ZNF142: variants seen among roughly 807,000 people sequenced by gnomAD.
ZNF142 encodes zinc finger protein 142.
Under a neutral mutation model 132.1 loss-of-function variants are expected in ZNF142, and 96 were observed. The observed-to-expected ratio is 0.73, with a 90% CI of 0.62 to 0.86. The LOEUF is 0.86. Among genes scored for constraint, ZNF142 ranks in the 40% least tolerant of loss-of-function variants. The pLI is 0.00. For missense variants in ZNF142, 2,163 were observed against 2,336.2 expected, an observed-to-expected ratio of 0.93 and a Z score of 1.53; for synonymous variants, 842 against 890.1, an observed-to-expected ratio of 0.95 and a Z score of 0.96.
chr2:218,641,692 A>G (rs1697209058), intron 9 of ZNF142, among the ~76,000 whole-genome samples: 1 of 152,136 alleles, frequency 6.6e-6, no homozygotes, highest in South Asian at 2.1e-4. Context: ...GGTACTTGCC[A>G]CCATGCCCAG....
chr2:218,651,865 C>T lies in ZNF142; in HGVS notation c.716G>A (p.Gly239Asp), dbSNP rs1455424216. ...GCPLLFGSQQGMELHRQAHYP... is the reference protein window; with the variant it reads ...GCPLLFGSQQDMELHRQAHYP... ...ATGCGCCTGCCGGTGCAGCTCCATG[C>T]CCTGCTGGCTCCCGAAAAGCAGGGG... The change falls in exon 5 of 11, where the codon GGC becomes GAC. Residue 239 changes from glycine to aspartate, a missense_variant. By Grantham distance (94) the Gly-to-Asp change is moderately conservative (BLOSUM62 -1). Around this residue, in one of 7 missense-constraint regions of ZNF142, gnomAD observed 63 missense variants for 104.1 expected, o/e 0.61. Coordinates refer to ENST00000411696, the MANE Select transcript of ZNF142 (RefSeq NM_001379659.1). 5.4e-6 allele frequency: 7 copies of T among 1,289,896 alleles called. No homozygotes were observed. The highest frequency in any genetic ancestry group is 7.1e-6 in the Non-Finnish European group (7 of 988,884). The allele number at this position is 1,289,896 out of a possible 1,614,324, so 79.9% of individuals were successfully genotyped here.
rs1391207933 is a variant in ZNF142, at chr2:218,633,470, T to C, written c.*4869A>G. ...TATTTCCAAGCCTGAGTCCCTTCTC[T>C]TGTCCCGGCAGGTGAGGCAGGAGGG... On this transcript the variant is annotated 3_prime_UTR_variant, in exon 11 of 11. Coordinates refer to ENST00000411696, the MANE Select transcript of ZNF142 (RefSeq NM_001379659.1). 5 of 1,056,928 alleles carry C rather than the reference T, an allele frequency of 4.7e-6. No individual in the cohort carries two copies. Among genetic ancestry groups the C allele is most frequent in the Non-Finnish European group, 7.2e-6 (5 of 696,884 alleles). 65.5% of individuals were successfully genotyped at this position (1,056,928 alleles called of 1,614,324 possible).
In ZNF142 at chr2:218,633,591, T is replaced by C. The variant is rs1397035316; in HGVS notation, c.*4748A>G. 6.2e-7 allele frequency: 1 copy of C among 1,611,784 alleles called. No homozygotes were observed. The highest frequency in any genetic ancestry group is 8.5e-7 in the Non-Finnish European group (1 of 1,178,000). The stretch of plus-strand genomic sequence containing the variant: ...CTGAGGGTTCAATTCCATCTTCTTT[T>C]CCACCTTCTCCAGAAATCCAAGCCC... On this transcript the variant is annotated 3_prime_UTR_variant, in exon 11 of 11. Transcript: ENST00000411696.
At chr2:218,641,243 A>ATTTT (rs71276228) in intron 9 of ZNF142, among the ~76,000 whole-genome samples, 2 of 103,916 alleles carry the variant, frequency 1.9e-5, no homozygotes, top group Non-Finnish European at 2.0e-5. Context: ...CTGGCCGATA[A>ATTTT]TTTTTTTTTT....
At chr2:218,640,977 C>G (rs1311917848) in intron 9 of ZNF142, among the ~76,000 whole-genome samples, 1 of 150,970 alleles carries the variant, frequency 6.6e-6, no homozygotes, top group East Asian at 1.9e-4. Context: ...CTCTGTTGCC[C>G]AGGCTGGAGT....
At chr2:218,639,488 G>A (rs1696987384) in intron 10 of ZNF142, among the ~76,000 whole-genome samples, 2 of 152,142 alleles carry the variant, frequency 1.3e-5, no homozygotes, top group African/African-American at 4.8e-5. Flanking sequence ...AGTACTCATG[G>A]AATTCGACAA....
At position 218,650,404 on chromosome 2, in the gene ZNF142, AGTCCTTCTGGGTG is replaced by A; in HGVS notation, c.990_1002del (p.Thr331ProfsTer134). ...TGGCCTTTATCCACAGCCTTTTGGG[AGTCCTTCTGGGTG>A]TCACTCTTCTCTTCTTTCTCTACAT... is the stretch of plus-strand genomic sequence containing the variant. On this transcript the variant is annotated frameshift_variant, in exon 6 of 11. Transcript: ENST00000411696. LOFTEE classifies it high-confidence loss of function. 1 of 1,614,120 alleles carries A rather than the reference AGTCCTTCTGGGTG, an allele frequency of 6.2e-7. No homozygotes were observed. The highest frequency in any genetic ancestry group is 8.5e-7 in the Non-Finnish European group (1 of 1,180,014).
rs758515813 is a variant in ZNF142, at chr2:218,649,357, A to G, written c.1151T>C (p.Leu384Pro). The G allele has an allele frequency of 1.2e-6, 2 of 1,614,084 alleles. No homozygotes were observed. Among genetic ancestry groups the G allele is most frequent in the South Asian group, 1.1e-5 (1 of 91,082 alleles). ...KRTHLVEHLH[L>P]HFPDPSLQCP... ...CTGGAGGCTGGGGTCTGGGAAGTGG[A>G]GATGCAGGTGCTCCACCAGATGAGT... The change falls in exon 7 of 11, where the codon CTC (leucine) becomes CCC (proline). Residue 384 changes from leucine to proline, a missense_variant. Physicochemically the swap from Leu to Pro is moderately conservative, Grantham distance 98. Coordinates refer to ENST00000411696, the MANE Select transcript of ZNF142 (RefSeq NM_001379659.1).
Position 218,643,661 on chromosome 2 carries a change from G to T in ZNF142, c.3455C>A (p.Thr1152Lys). Residue 1152 changes from threonine (T) to lysine (K), a missense_variant, in exon 9 of 11, where the codon ACA becomes AAA. Physicochemically the swap from Thr to Lys is moderately conservative, Grantham distance 78 (BLOSUM62 -1). This residue lies in a region of ZNF142 where 809 missense variants were observed against 801.7 expected (regional missense o/e 1.01). Coordinates refer to ENST00000411696, the MANE Select transcript of ZNF142 (RefSeq NM_001379659.1). Reference protein sequence around the residue: ...PLELPREPEETEEPLATVSGS... With the variant: ...PLELPREPEEKEEPLATVSGS... ...AGAGACTGTGGCAAGAGGCTCTTCT[G>T]TTTCTTCTGGCTCCCTGGGAAGCTC... 6 of 1,550,514 alleles carry T rather than the reference G, an allele frequency of 3.9e-6. No homozygotes were observed. The highest frequency in any genetic ancestry group is 5.2e-6 in the Non-Finnish European group (6 of 1,152,850).
At chr2:218,650,036 A>G (rs10187066) in intron 6 of ZNF142, among the ~76,000 whole-genome samples, 71,025 of 152,144 alleles carry the variant, frequency 0.47, 19,794 homozygotes, top group East Asian at 0.82. Flanking sequence ...TCAGTGCCAG[A>G]CAAAATAGGC....
In ZNF142 at chr2:218,633,935, C is replaced by G. The variant is rs1411902423; in HGVS notation, c.*4404G>C. The G allele has an allele frequency of 3.7e-5, 44 of 1,200,880 alleles. No homozygotes were observed. Among genetic ancestry groups the G allele is most frequent in the Admixed American group, 1.1e-4 (5 of 45,514 alleles). 74.4% of individuals were successfully genotyped at this position (1,200,880 alleles called of 1,614,324 possible). A position where few individuals can be genotyped will look rare whatever the true frequency, so the allele number is the denominator to read the frequency against. The stretch of plus-strand genomic sequence containing the variant: ...GAGTTATGAATAGTGGCTCAAGGGT[C>G]TAGGGGCAGGAAAGCTGGTCTGGAT... On this transcript the variant is annotated 3_prime_UTR_variant, in exon 11 of 11. Coordinates refer to ENST00000411696, the MANE Select transcript of ZNF142 (RefSeq NM_001379659.1).
intron 3 of ZNF142, among the ~76,000 whole-genome samples, chr2:218,657,003 C>A (rs900460732): frequency 6.6e-6 from 1 of 151,914 alleles, no homozygotes; most frequent in African/African-American, 2.4e-5. Context: ...TTTTTAACAG[C>A]GATGGAGTTT....
rs1937773283 is a variant in ZNF142 at position 218,649,433 on chromosome 2, G to A, written c.1075C>T (p.Leu359Phe). The A allele has an allele frequency of 1.9e-6, 3 of 1,604,984 alleles. No individual in the cohort carries two copies. The highest frequency in any genetic ancestry group is 2.6e-6 in the Non-Finnish European group (3 of 1,175,020). The change falls in exon 7 of 11, where the codon CTC becomes TTC. Residue 359 changes from leucine (L) to phenylalanine (F), a missense_variant. Around this residue, in one of 7 missense-constraint regions of ZNF142, gnomAD observed 749 missense variants for 830.3 expected, o/e 0.90. Coordinates refer to ENST00000411696, the MANE Select transcript of ZNF142 (RefSeq NM_001379659.1). The stretch of plus-strand genomic sequence containing the variant: ...TCTGGACACATATGGGTCTTGAAGA[G>A]GGACTCGGTGCCAGAGACCACATCC... ...EGDVVSGTESLFKTHMCPECK... is the reference protein window; with the variant it reads ...EGDVVSGTESFFKTHMCPECK...
chr2:218,639,742 A>C (rs527803328), intron 10 of ZNF142, among the ~76,000 whole-genome samples: 1 of 150,284 alleles, frequency 6.7e-6, no homozygotes, highest in African/African-American at 2.4e-5. Flanking sequence ...TGAAAAAAAA[A>C]AAAAAAAAAA....
rs1460465608 is a variant in ZNF142 at position 218,644,546 on chromosome 2, G to A, written c.2570C>T (p.Pro857Leu). 2.0e-5 allele frequency: 33 copies of A among 1,613,912 alleles called. No individual in the cohort carries two copies. Among genetic ancestry groups the A allele is most frequent in the Non-Finnish European group, 2.7e-5 (32 of 1,180,040 alleles). Residue 857 changes from proline (P) to leucine (L), a missense_variant, in exon 9 of 11, where the codon CCA (proline) becomes CTA (leucine). By Grantham distance (98) the Pro-to-Leu change is moderately conservative. Around this residue, in one of 7 missense-constraint regions of ZNF142, gnomAD observed 749 missense variants for 830.3 expected, o/e 0.90. Transcript: ENST00000411696. This position sits in a 1 kb window ranked among gnomAD's most constrained non-coding sequence, Gnocchi z 4.6. ...VVDPSLDQALPEMSEEVNTGR... is the reference protein window; with the variant it reads ...VVDPSLDQALLEMSEEVNTGR... The stretch of plus-strand genomic sequence containing the variant: ...AGTGTTGACCTCCTCACTCATCTCT[G>A]GCAGGGCCTGGTCCAAGCTGGGGTC...
chr2:218,635,899 C>G lies in ZNF142; in HGVS notation c.*2440G>C. The G allele has an allele frequency of 1.9e-6, 3 of 1,613,986 alleles. No individual in the cohort carries two copies. The highest frequency in any genetic ancestry group is 2.5e-6 in the Non-Finnish European group (3 of 1,179,890). Reference sequence around the variant, plus strand: ...ATCTTTGGCGTTCGTCTAGACACAGCACGGCAGGAGACCAACTATGTGGAG... The same window carrying G: ...ATCTTTGGCGTTCGTCTAGACACAGGACGGCAGGAGACCAACTATGTGGAG... On this transcript the variant is annotated 3_prime_UTR_variant, in exon 11 of 11. Coordinates refer to ENST00000411696, the MANE Select transcript of ZNF142 (RefSeq NM_001379659.1).
chr2:218,643,015 G>C lies in ZNF142; in HGVS notation c.4101C>G (p.Pro1367=). The C allele has an allele frequency of 6.2e-7, 1 of 1,605,284 alleles. No homozygotes were observed. Among genetic ancestry groups the C allele is most frequent in the Non-Finnish European group, 8.5e-7 (1 of 1,175,414 alleles). The change falls in exon 9 of 11, where the codon CCC becomes CCG. Residue 1367 remains proline (P), a synonymous_variant. Transcript: ENST00000411696. ...AGTCCCCACACTGTAGATGGGGCCG[G>C]GGCCCACGGGCTGGGGCTGCAGTGG... is the stretch of plus-strand genomic sequence containing the variant. ...RHPTAAPARG[P]RPHLQCGDCG...
Position 218,633,745 on chromosome 2 carries a change from C to T in ZNF142, c.*4594G>A. The T allele has an allele frequency of 6.2e-7, 1 of 1,613,934 alleles. No individual in the cohort carries two copies. The highest frequency in any genetic ancestry group is 1.3e-5 in the African/African-American group (1 of 75,026). Reference sequence around the variant, plus strand: ...CTTTCTCTGAAACCAAGGCCAAGCGCCTCATCAAGGAGGCTGGTCAGGACC... The same window carrying T: ...CTTTCTCTGAAACCAAGGCCAAGCGTCTCATCAAGGAGGCTGGTCAGGACC... On this transcript the variant is annotated 3_prime_UTR_variant, in exon 11 of 11. Coordinates refer to ENST00000411696, the MANE Select transcript of ZNF142 (RefSeq NM_001379659.1).
rs1264102701 is a variant in ZNF142 at position 218,643,363 on chromosome 2, C to T, written c.3753G>A (p.Gly1251=). ...CTCGTTTTCCTCCCCCGCCACGTCC[C>T]CCCCTGCAGCCTTCAGCCACGTGAG... ...ITSHVAEGCR[G]GRGGGGKRGT... The change falls in exon 9 of 11, where the codon GGG becomes GGA. Residue 1251 remains glycine, a synonymous_variant. Transcript: ENST00000411696. The T allele has an allele frequency of 5.6e-6, 9 of 1,614,220 alleles. No individual in the cohort carries two copies. The highest frequency in any genetic ancestry group is 2.2e-5 in the East Asian group (1 of 44,884).
Sources: allele counts gnomAD v4.1 joint callset (sites outside exome capture counted in the v4.1 genomes callset), GRCh38; gene constraint gnomAD v4.1.1; regional missense constraint gnomAD v4.1.1; non-coding constraint Gnocchi (gnomAD v3.1); transcripts MANE v1.5; gene names NCBI Gene and HGNC (gene_info 2026-07-23, HGNC 2026-07-21).